PCDHA8: variants seen among roughly 807,000 people sequenced by gnomAD.
PCDHA8 encodes protocadherin alpha 8.
PCDHA8 carries 53 observed loss-of-function variants against 61.8 expected under a neutral mutation model. That is an observed-to-expected ratio of 0.86 (90% CI 0.69 to 1.08). The LOEUF is 1.08. PCDHA8 is among the 50% of genes least tolerant of loss of function. PCDHA8 has a pLI of 0.00. For synonymous variants in PCDHA8, 618 were observed against 556.6 expected (o/e 1.11, Z -1.55); for missense variants, 1,293 against 1,245.0 (o/e 1.04, Z -0.58).
intron 1 of PCDHA8, among the ~76,000 whole-genome samples, chr5:140,955,186 G>A (rs246020): frequency 0.56 from 85,667 of 151,968 alleles, 24,773 homozygotes; most frequent in African/African-American, 0.69. Flanking sequence ...GTTTTGTGGT[G>A]TATATGAAGT....
intron 1 of PCDHA8, among the ~76,000 whole-genome samples, chr5:140,886,827 G>GAA (rs782016620): frequency 3.1e-4 from 19 of 60,896 alleles, no homozygotes; most frequent in South Asian, 5.9e-4. Context: ...ACTTCGTCTT[G>GAA]AAAAAAAAAA....
At chr5:140,898,054 A>G (rs1401215235) in intron 1 of PCDHA8, among the ~76,000 whole-genome samples, 2 of 151,638 alleles carry the variant, frequency 1.3e-5, no homozygotes, top group African/African-American at 4.8e-5. Flanking sequence ...TTTTCTTGTA[A>G]ATTTGTTTGA....
intron 1 of PCDHA8, among the ~76,000 whole-genome samples, chr5:140,923,304 G>A (rs933906504): frequency 6.6e-6 from 1 of 152,172 alleles, no homozygotes; most frequent in African/African-American, 2.4e-5. Context: ...TGGGCGTGGG[G>A]GCGCTTGGCC....
At chr5:140,858,082 G>T (rs1554151130) in intron 1 of PCDHA8, 2 of 1,597,718 alleles carry the variant, frequency 1.3e-6, no homozygotes, top group East Asian at 2.2e-5. Flanking sequence ...CCAAGGCCTC[G>T]TCGCGGGCTT....
chr5:140,987,225 A>AT (rs1451600480), intron 3 of PCDHA8, among the ~76,000 whole-genome samples: 11 of 143,044 alleles, frequency 7.7e-5, no homozygotes, highest in Non-Finnish European at 1.0e-4. Context: ...AAAAAAAAAA[A>AT]AATAATAAAT....
At position 140,978,994 on chromosome 5, in the gene PCDHA8, GCAGGCATGCA is replaced by G; in HGVS notation, c.2445_2453+1del. 3 of 1,614,152 alleles carry G rather than the reference GCAGGCATGCA, an allele frequency of 1.9e-6. No homozygotes were observed. The highest frequency in any genetic ancestry group is 8.5e-7 in the Non-Finnish European group (1 of 1,180,022). ...CTGGCGTTACTCTGCCTCCCTGAGA[GCAGGCATGCA>G]CAGGTATGTATTTCCCTCCTCATTC... On this transcript the variant is annotated frameshift_variant, in exon 2 of 4. Transcript: ENST00000531613. LOFTEE classifies it high-confidence loss of function.
intron 1 of PCDHA8, chr5:140,875,760 C>A (rs781811926): frequency 1.2e-6 from 2 of 1,614,200 alleles, no homozygotes; most frequent in Non-Finnish European, 1.7e-6. Flanking sequence ...AGAAGCTGTG[C>A]GGGCGGAGCG....
chr5:140,906,665 AC>A (rs558667206), intron 1 of PCDHA8, among the ~76,000 whole-genome samples: 132 of 152,200 alleles, frequency 8.7e-4, no homozygotes, highest in African/African-American at 3.2e-3. Context: ...TGGTGTAGTG[AC>A]CCAAACCTTC....
intron 1 of PCDHA8, among the ~76,000 whole-genome samples, chr5:140,918,826 C>T (rs200767772): frequency 2.0e-5 from 3 of 149,724 alleles, no homozygotes; most frequent in African/African-American, 7.4e-5. Flanking sequence ...AAGTGGCCCC[C>T]TCCCCAGACA....
intron 1 of PCDHA8, among the ~76,000 whole-genome samples, chr5:140,906,546 G>A (rs1261080393): frequency 2.0e-5 from 3 of 152,222 alleles, no homozygotes; most frequent in Non-Finnish European, 4.4e-5. Context: ...CCTCATTTCT[G>A]CAACTGGTTG....
chr5:140,907,164 G>T (rs1554192895), intron 1 of PCDHA8, among the ~76,000 whole-genome samples: 2 of 152,098 alleles, frequency 1.3e-5, no homozygotes, highest in Non-Finnish European at 2.9e-5. Context: ...ACCATATATT[G>T]GATGCTGATT....
intron 1 of PCDHA8, among the ~76,000 whole-genome samples, chr5:140,944,386 T>C (rs1228891284): frequency 6.6e-6 from 1 of 152,054 alleles, no homozygotes; most frequent in Admixed American, 6.6e-5. Flanking sequence ...GGAGTCTCAC[T>C]GTGTTATCCA....
chr5:140,862,838 T>A (rs555167030), intron 1 of PCDHA8: 1 of 575,064 alleles, frequency 1.7e-6, no homozygotes, highest in South Asian at 1.4e-5. Flanking sequence ...GACGCGGGCA[T>A]GCCGCCTCTG....
intron 1 of PCDHA8, among the ~76,000 whole-genome samples, chr5:140,924,252 G>C (rs1306870811): frequency 1.3e-5 from 2 of 152,214 alleles, no homozygotes; most frequent in African/African-American, 4.8e-5. Flanking sequence ...ATCCTGGTGA[G>C]ATCTAATGAG....
chr5:140,858,120 T>A, intron 1 of PCDHA8: 1 of 1,597,738 alleles, frequency 6.3e-7, no homozygotes, highest in Non-Finnish European at 8.6e-7. Context: ...GAGGTGGCCC[T>A]GGTGGATGTC....
chr5:140,901,168 C>G (rs782138220), intron 1 of PCDHA8, among the ~76,000 whole-genome samples: 8 of 152,010 alleles, frequency 5.3e-5, no homozygotes, highest in Non-Finnish European at 8.8e-5. Flanking sequence ...GTTGTCTCTT[C>G]ACTTTGTTGA....
chr5:140,967,287 A>G (rs1458692984), intron 1 of PCDHA8: 1 of 1,612,826 alleles, frequency 6.2e-7, no homozygotes, highest in Non-Finnish European at 8.5e-7. Flanking sequence ...AGTGCGCAGG[A>G]CCCCGACGTG....
chr5:140,930,769 T>G (rs1373924244), intron 1 of PCDHA8, among the ~76,000 whole-genome samples: 2 of 152,214 alleles, frequency 1.3e-5, no homozygotes, highest in Non-Finnish European at 2.9e-5. Context: ...TTTTCTGTAC[T>G]TAATATTTTC....
chr5:140,927,630 A>G (rs1408351955), intron 1 of PCDHA8: 3 of 1,614,064 alleles, frequency 1.9e-6, no homozygotes, highest in Non-Finnish European at 2.5e-6. Flanking sequence ...CAGAGACTGC[A>G]CCCAATGGGA....
Sources: allele counts gnomAD v4.1 joint callset (sites outside exome capture counted in the v4.1 genomes callset), GRCh38; gene constraint gnomAD v4.1.1; transcripts MANE v1.5; gene names NCBI Gene and HGNC (gene_info 2026-07-23, HGNC 2026-07-21).